Variants in TANC2 observed in about 807,000 individuals in gnomAD.
TANC2 encodes tetratricopeptide repeat, ankyrin repeat and coiled-coil containing 2.
TANC2 carries 26 observed loss-of-function variants against 210.5 expected under a neutral mutation model. The observed-to-expected ratio is 0.12, with a 90% CI of 0.09 to 0.17. The LOEUF (loss-of-function observed/expected upper bound fraction) is 0.17. Among genes scored for constraint, TANC2 ranks in the 10% least tolerant of loss-of-function variants. TANC2 has a pLI of 1.00. For missense variants in TANC2, 2,129 were observed against 2,608.9 expected, an observed-to-expected ratio of 0.82 and a Z score of 4.01; for synonymous variants, 931 against 967.1, an observed-to-expected ratio of 0.96 and a Z score of 0.69.
chr17:63,381,479 T>C (rs1425501756), intron 15 of TANC2: 1 of 152,230 alleles, frequency 6.6e-6, no homozygotes, highest in Non-Finnish European at 1.5e-5. Flanking sequence ...ACTGCTAGAA[T>C]TCTCAATCTG....
At chr17:63,314,340 C>T (rs2045240685) in intron 9 of TANC2, 48 bp from the exon 10 acceptor site, 1 of 1,596,614 alleles carries the variant, frequency 6.3e-7, no homozygotes, top group South Asian at 1.1e-5. Context: ...TTGTTTCTCT[C>T]AATGTTGACA....
intron 11 of TANC2, among the ~76,000 whole-genome samples, chr17:63,324,640 G>A (rs1372809503): frequency 6.6e-6 from 1 of 152,140 alleles, no homozygotes; most frequent in Non-Finnish European, 1.5e-5. Flanking sequence ...TATAAAATTT[G>A]TCTAGGGCTT....
intron 4 of TANC2, among the ~76,000 whole-genome samples, chr17:63,112,449 G>A (rs1436076302): frequency 6.6e-6 from 1 of 152,140 alleles, no homozygotes; most frequent in African/African-American, 2.4e-5. Flanking sequence ...ACTGTGTAAG[G>A]TAATGTTGTT....
intron 1 of TANC2, among the ~76,000 whole-genome samples, chr17:62,990,429 A>T (rs2032799167): frequency 6.6e-6 from 1 of 151,854 alleles, no homozygotes; most frequent in South Asian, 2.1e-4. Context: ...GGCATGTACC[A>T]TCATTGCTGG....
At chr17:63,106,310 A>G (rs1364005057) in intron 4 of TANC2, among the ~76,000 whole-genome samples, 2 of 151,718 alleles carry the variant, frequency 1.3e-5, no homozygotes, top group African/African-American at 4.9e-5. Context: ...GATTTTAGTA[A>G]GGCTCTATTG....
chr17:63,219,308 A>G (rs150407950), intron 7 of TANC2, among the ~76,000 whole-genome samples: 203 of 151,800 alleles, frequency 1.3e-3, no homozygotes, highest in African/African-American at 4.7e-3. Flanking sequence ...AAATTATTAT[A>G]TAAATAATAA....
chr17:62,998,828 G>A (rs1280866560), intron 1 of TANC2, among the ~76,000 whole-genome samples: 1 of 152,130 alleles, frequency 6.6e-6, no homozygotes, highest in African/African-American at 2.4e-5. Context: ...AGTTGACACT[G>A]TAAAGCAGCT....
At chr17:63,219,987 G>A (rs1250485605) in intron 7 of TANC2, among the ~76,000 whole-genome samples, 1 of 152,054 alleles carries the variant, frequency 6.6e-6, no homozygotes, top group African/African-American at 2.4e-5. Context: ...GGTGGACAAT[G>A]GAACCACATA....
chr17:63,156,257 A>G (rs929394363), intron 5 of TANC2, among the ~76,000 whole-genome samples: 1 of 152,142 alleles, frequency 6.6e-6, no homozygotes, highest in African/African-American at 2.4e-5. Flanking sequence ...ACCTGAGTAA[A>G]ATTGATGAGC....
rs748669837 is a variant in TANC2, at chr17:63,421,453, C to T, written c.5723C>T (p.Ser1908Leu). The T allele has an allele frequency of 2.5e-6, 4 of 1,614,016 alleles. No homozygotes were observed. Among genetic ancestry groups the T allele is most frequent in the South Asian group, 2.2e-5 (2 of 91,082 alleles). Residue 1908 changes from serine to leucine, a missense_variant, in exon 28 of 28, where the codon TCG (serine) becomes TTG (leucine). Ser to Leu is a moderately radical substitution (Grantham distance 145). Around this residue, in one of 5 missense-constraint regions of TANC2, gnomAD observed 584 missense variants for 627.3 expected, o/e 0.93. Coordinates refer to ENST00000689528, the Ensembl canonical transcript of TANC2. The surrounding 1 kb of genome is among the most constrained non-coding windows in gnomAD (Gnocchi z 6.9). ...TATGAGAGGTCATGTGACGAGCTGT[C>T]GCCAGTGTCTCCAACTCAAGGAGGT...
chr17:63,086,978 G>T (rs951075810), intron 3 of TANC2, among the ~76,000 whole-genome samples: 10 of 152,210 alleles, frequency 6.6e-5, no homozygotes, highest in Non-Finnish European at 1.2e-4. Context: ...GGCCACCCCA[G>T]CCTGCAGCGG....
chr17:63,311,134 A>G (rs970950797), intron 9 of TANC2, among the ~76,000 whole-genome samples: 4 of 152,356 alleles, frequency 2.6e-5, no homozygotes, highest in Admixed American at 2.6e-4. Flanking sequence ...CTGTTGTGCC[A>G]GTTAGCATGC....
intron 6 of TANC2, among the ~76,000 whole-genome samples, chr17:63,197,070 A>G (rs1474085137): frequency 6.6e-6 from 1 of 152,168 alleles, no homozygotes; most frequent in Non-Finnish European, 1.5e-5. Flanking sequence ...TAAGCTGTAA[A>G]ATGTCATATA....
chr17:63,261,574 C>T (rs929696309), intron 8 of TANC2, among the ~76,000 whole-genome samples: 17 of 152,082 alleles, frequency 1.1e-4, no homozygotes, highest in African/African-American at 1.7e-4. Context: ...AGGTTAGTCC[C>T]GCCTCCCTTG....
At chr17:63,051,088 T>C (rs2144385430) in intron 2 of TANC2, among the ~76,000 whole-genome samples, 1 of 152,336 alleles carries the variant, frequency 6.6e-6, no homozygotes, top group East Asian at 1.9e-4. Context: ...TGTCAGATCA[T>C]GCCACTCCTT....
At position 63,323,518 on chromosome 17, in the gene TANC2, G is replaced by A. The variant is rs1418802225; in HGVS notation, c.1575+4428G>A. On this transcript the variant is annotated intron_variant, in intron 11 of 27. Coordinates refer to ENST00000689528, the Ensembl canonical transcript of TANC2. Reference sequence around the variant, plus strand: ...CTCATTCAGGGCCTTTCCTGGATATGTGAATTTAACTCCAACAGAGATTTC... The same window carrying A: ...CTCATTCAGGGCCTTTCCTGGATATATGAATTTAACTCCAACAGAGATTTC... Among the ~76,000 whole-genome samples, 4 of 152,298 alleles carry A rather than the reference G, an allele frequency of 2.6e-5. No individual in the cohort carries two copies. The East Asian group carries it at 7.7e-4, about 29-fold the overall frequency.
At chr17:63,136,651 A>G (rs2039099946) in intron 4 of TANC2, among the ~76,000 whole-genome samples, 1 of 152,220 alleles carries the variant, frequency 6.6e-6, no homozygotes, top group Non-Finnish European at 1.5e-5. Flanking sequence ...GCAAATTAAA[A>G]TAACAATGAG....
chr17:63,097,261 G>A (rs1456610980), intron 3 of TANC2, among the ~76,000 whole-genome samples: 1 of 151,968 alleles, frequency 6.6e-6, no homozygotes, highest in Non-Finnish European at 1.5e-5. Context: ...TGCCCAGGCT[G>A]GTCTCAAACT....
rs1405844258 is a variant in TANC2, at chr17:63,400,768, C to T, written c.3331+1854C>T. Among the ~76,000 whole-genome samples the T allele has an allele frequency of 1.8e-4, 27 of 151,732 alleles. No homozygotes were observed. The East Asian group carries it at 4.1e-3, about 23-fold the overall frequency. On this transcript the variant is annotated intron_variant, in intron 19 of 27. Coordinates refer to ENST00000689528, the Ensembl canonical transcript of TANC2. Reference sequence around the variant, plus strand: ...AAGTGATTCTCCTGCCTCAGCCTCCCGAGTAGCTGGGATTACAGGCGTGCA... The same window carrying T: ...AAGTGATTCTCCTGCCTCAGCCTCCTGAGTAGCTGGGATTACAGGCGTGCA...
Sources: allele counts gnomAD v4.1 joint callset (sites outside exome capture counted in the v4.1 genomes callset), GRCh38; gene constraint gnomAD v4.1.1; regional missense constraint gnomAD v4.1.1; non-coding constraint Gnocchi (gnomAD v3.1); transcripts MANE v1.5; gene names NCBI Gene and HGNC (gene_info 2026-07-23, HGNC 2026-07-21).